The following ABCA6 variants were observed in gnomAD, a reference collection of about 807,000 sequenced individuals.
ABCA6 encodes ATP binding cassette subfamily A member 6.
A neutral mutation model predicts 191.2 loss-of-function variants in ABCA6; 164 were observed. The ratio of observed to expected loss-of-function variants is 0.86; its 90% CI spans 0.76 to 0.98. ABCA6 has a LOEUF of 0.98. Ranked by LOEUF, ABCA6 falls within the 50% of genes least tolerant of loss-of-function variation. The pLI, the probability that ABCA6 is intolerant of heterozygous loss-of-function variation, is 0.00. For missense variants in ABCA6, 1,958 were observed against 1,894.1 expected (o/e 1.03, Z -0.63); for synonymous variants, 636 against 647.7 (o/e 0.98, Z 0.27).
At position 69,107,899 on chromosome 17, in the gene ABCA6, C is replaced by T. The variant is rs1396233815; in HGVS notation, c.2273-87G>A. 7 of 814,896 alleles carry T rather than the reference C, an allele frequency of 8.6e-6. No homozygotes were observed. The African/African-American group carries it at 1.2e-4, about 14-fold the overall frequency. 50.5% of individuals were successfully genotyped at this position (814,896 alleles called of 1,614,324 possible). On this transcript the variant is annotated intron_variant, in intron 17 of 38. Coordinates refer to ENST00000284425, the MANE Select transcript of ABCA6 (RefSeq NM_080284.3). ...ATTAATACTTATTTAAAAGACAATACATAATATTGTTAAGAAAATTATGTC... is the reference window on the plus strand; with the variant it reads ...ATTAATACTTATTTAAAAGACAATATATAATATTGTTAAGAAAATTATGTC...
intron 26 of ABCA6, among the ~76,000 whole-genome samples, chr17:69,090,226 C>G (rs758488503): frequency 1.3e-5 from 2 of 152,190 alleles, no homozygotes; most frequent in African/African-American, 4.8e-5. Flanking sequence ...CAAGGACACC[C>G]CTGATTACAG....
At position 69,114,863 on chromosome 17, in the gene ABCA6, A is replaced by T. The variant is rs2073506531; in HGVS notation, c.1681T>A (p.Cys561Ser). The T allele has an allele frequency of 6.2e-7, 1 of 1,612,570 alleles. No homozygotes were observed. The highest frequency in any genetic ancestry group is 1.1e-5 in the South Asian group (1 of 91,010). ...LEEIRKITGV[C>S]PQFNVQFDIL... The stretch of plus-strand genomic sequence containing the variant: ...TCAAATTGAACATTGAATTGAGGAC[A>T]GACGCCAGTTATCTTTCTGATTTCC... The change falls in exon 13 of 39, where the codon TGT becomes AGT. Residue 561 changes from cysteine (C) to serine (S), a missense_variant. Physicochemically the swap from Cys to Ser is moderately radical, Grantham distance 112 (BLOSUM62 -1). Transcript: ENST00000284425.
At chr17:69,097,352 T>C (rs1350169932) in intron 23 of ABCA6, among the ~76,000 whole-genome samples, 2 of 150,116 alleles carry the variant, frequency 1.3e-5, no homozygotes, top group African/African-American at 5.0e-5. Flanking sequence ...TTTTGCACCA[T>C]TGCACTCCAG....
intron 21 of ABCA6, among the ~76,000 whole-genome samples, chr17:69,101,596 A>C (rs1037301608): frequency 8.1e-6 from 1 of 123,276 alleles, no homozygotes; most frequent in Non-Finnish European, 1.8e-5. Flanking sequence ...ACTCTGTCTC[A>C]AAAAAAAAAA....
chr17:69,090,640 G>A (rs1281155849), intron 26 of ABCA6, among the ~76,000 whole-genome samples: 1 of 152,172 alleles, frequency 6.6e-6, no homozygotes, highest in African/African-American at 2.4e-5. Context: ...CTTTGGGAAA[G>A]TCAGGACTGT....
chr17:69,085,979 CAACT>C (rs995326569), intron 30 of ABCA6, among the ~76,000 whole-genome samples: 52 of 152,074 alleles, frequency 3.4e-4, no homozygotes, highest in African/African-American at 1.3e-3. Flanking sequence ...GAAATGTGTC[CAACT>C]GTTTTCCGTA....
chr17:69,131,936 G>A lies in ABCA6; in HGVS notation c.791+1705C>T, dbSNP rs141045130. Among the ~76,000 whole-genome samples, 1,069 of 152,174 alleles carry A rather than the reference G, an allele frequency of 7.0e-3. 12 individuals are homozygous for A. Among genetic ancestry groups the A allele is most frequent in the African/African-American group, 0.025 (1,023 of 41,512 alleles). On this transcript the variant is annotated intron_variant, in intron 6 of 38. Transcript: ENST00000284425. Reference sequence around the variant, plus strand: ...GACAGAAAGAAGGCCCCTTTTACAGGGGTTCCCTCCTAACAGACTCCATGG... The same window carrying A: ...GACAGAAAGAAGGCCCCTTTTACAGAGGTTCCCTCCTAACAGACTCCATGG...
At chr17:69,134,832 G>C in intron 4 of ABCA6, 90 bp from the exon 5 acceptor site, 1 of 881,992 alleles carries the variant, frequency 1.1e-6, no homozygotes, top group South Asian at 1.5e-5. Context: ...ACAATCTAGA[G>C]GAGACTCTAC....
chr17:69,083,051 G>T, intron 35 of ABCA6, 38 bp from the exon 36 acceptor site: 2 of 1,603,148 alleles, frequency 1.2e-6, no homozygotes, highest in Non-Finnish European at 1.7e-6. Flanking sequence ...AAAAAATATT[G>T]CCCTTAATTT....
At chr17:69,091,979 T>C (rs2072934768) in intron 25 of ABCA6, among the ~76,000 whole-genome samples, 1 of 152,222 alleles carries the variant, frequency 6.6e-6, no homozygotes, top group African/African-American at 2.4e-5. Context: ...AAACAATCCA[T>C]ACTGTCTCTC....
chr17:69,127,332 C>T (rs1191156225), intron 8 of ABCA6, among the ~76,000 whole-genome samples: 6 of 151,952 alleles, frequency 3.9e-5, no homozygotes, highest in Admixed American at 3.9e-4. Flanking sequence ...CTGTTCATCA[C>T]AGTTACCATT....
rs576072981 is a variant in ABCA6 at position 69,102,116 on chromosome 17, C to A, written c.2874+719G>T. The stretch of plus-strand genomic sequence containing the variant: ...ATCCCAGCATTTTGGGAGGCCAAGG[C>A]GGGAGGATCACCCAAGGTCAGGAGT... On this transcript the variant is annotated intron_variant, in intron 21 of 38. Transcript: ENST00000284425. Among the ~76,000 whole-genome samples, 5 of 152,202 alleles carry A rather than the reference C, an allele frequency of 3.3e-5. No individual in the cohort carries two copies. In the East Asian group the frequency reaches 9.7e-4, roughly 29 times the overall value.
At chr17:69,127,955 C>T (rs1361018833) in intron 8 of ABCA6, among the ~76,000 whole-genome samples, 1 of 152,102 alleles carries the variant, frequency 6.6e-6, no homozygotes, top group Non-Finnish European at 1.5e-5. Flanking sequence ...AGAAACTATG[C>T]TGCCACCTAA....
At chr17:69,129,546 T>C in intron 7 of ABCA6, 64 bp downstream of exon 7, 1 of 1,382,490 alleles carries the variant, frequency 7.2e-7, no homozygotes, top group South Asian at 1.3e-5. Context: ...ACTAGGGCAT[T>C]AATATTAGCT....
chr17:69,122,069 CTCAATAGTA>C (rs1307215041), intron 10 of ABCA6, among the ~76,000 whole-genome samples: 9 of 152,028 alleles, frequency 5.9e-5, no homozygotes, highest in African/African-American at 2.2e-4. Context: ...CTCCTGACAT[CTCAATAGTA>C]TGTTAAGAGC....
intron 9 of ABCA6, among the ~76,000 whole-genome samples, chr17:69,123,853 G>A (rs962415101): frequency 2.6e-5 from 4 of 151,944 alleles, no homozygotes; most frequent in Non-Finnish European, 5.9e-5. Context: ...ACAATGGGTT[G>A]CATTATCCTT....
chr17:69,110,920 C>T lies in ABCA6; in HGVS notation c.2153G>A (p.Cys718Tyr), dbSNP rs769589427. 5.6e-6 allele frequency: 9 copies of T among 1,604,404 alleles called. No homozygotes were observed. The highest frequency in any genetic ancestry group is 7.6e-6 in the Non-Finnish European group (9 of 1,176,474). The change falls in exon 17 of 39, where the codon TGT (cysteine) becomes TAT (tyrosine). Residue 718 changes from cysteine to tyrosine, a missense_variant. By Grantham distance (194) the Cys-to-Tyr change is radical. Coordinates refer to ENST00000284425, the MANE Select transcript of ABCA6 (RefSeq NM_080284.3). ...YHLSLHRNEI[C>Y]NPEQITSFIT... ...GAAGGATGTTATTTGTTCTGGGTTA[C>T]ATATTTCATTCCTATGTAAACTAAT...
chr17:69,137,147 A>G, intron 3 of ABCA6, 149 bp downstream of exon 3: 1 of 745,640 alleles, frequency 1.3e-6, no homozygotes, highest in Non-Finnish European at 2.1e-6. Context: ...TGTGAGAGAA[A>G]GCAATAATCT....
chr17:69,127,214 T>C (rs1028683140), intron 8 of ABCA6, among the ~76,000 whole-genome samples: 1 of 152,162 alleles, frequency 6.6e-6, no homozygotes, highest in Non-Finnish European at 1.5e-5. Flanking sequence ...CCAGAAAATA[T>C]CTTTGTAAAC....
Sources: gnomAD v4.1 joint callset for allele counts (sites outside exome capture counted in the v4.1 genomes callset) on GRCh38, gnomAD v4.1.1 for gene constraint, MANE v1.5 for transcripts, NCBI Gene and HGNC (gene_info 2026-07-23, HGNC 2026-07-21) for gene names.